PLSCR4: variants seen among roughly 807,000 people sequenced by gnomAD.
The protein encoded by PLSCR4 is Ca(2+)-dependent phospholipid scramblase 4.
Under a neutral mutation model 36.3 loss-of-function variants are expected in PLSCR4, and 25 were observed. That is an observed-to-expected ratio of 0.69 (90% CI 0.50 to 0.96). PLSCR4 has a LOEUF of 0.96. Ranked by LOEUF, PLSCR4 falls within the 40% of genes least tolerant of loss-of-function variation. The pLI is 0.00. For missense variants in PLSCR4, 408 were observed against 414.7 expected (o/e 0.98, Z 0.14); for synonymous variants, 122 against 132.9 (o/e 0.92, Z 0.56).
intron 6 of PLSCR4, among the ~76,000 whole-genome samples, chr3:146,198,152 T>C (rs761258884): frequency 6.6e-6 from 1 of 152,068 alleles, no homozygotes; most frequent in Non-Finnish European, 1.5e-5. Context: ...GAGAACAGAT[T>C]AGTGGTTCTG....
At chr3:146,217,982 G>A (rs2034968569) in intron 3 of PLSCR4, among the ~76,000 whole-genome samples, 1 of 152,126 alleles carries the variant, frequency 6.6e-6, no homozygotes, top group Non-Finnish European at 1.5e-5. Flanking sequence ...AGGAGATGGG[G>A]AAGGGCAGGG....
Position 146,199,984 on chromosome 3 carries a change from C to T in PLSCR4, c.453G>A (p.Gln151=). The T allele has an allele frequency of 6.2e-7, 1 of 1,612,488 alleles. No individual in the cohort carries two copies. The highest frequency in any genetic ancestry group is 8.5e-7 in the Non-Finnish European group (1 of 1,178,764). Residue 151 remains glutamine (Q), a synonymous_variant, in exon 6 of 9, where the codon CAG becomes CAA. Coordinates refer to ENST00000354952, the MANE Select transcript of PLSCR4 (RefSeq NM_020353.3). ...NRYDIKNNSD[Q]MVYIVTEDTD... ...TGTCTTCGGTTACAATGTAAACCAT[C>T]TGGTCTGAGTTGTTTTTAATATCAT... is the stretch of plus-strand genomic sequence containing the variant.
intron 3 of PLSCR4, among the ~76,000 whole-genome samples, chr3:146,218,691 C>T (rs1193164308): frequency 6.6e-6 from 1 of 152,006 alleles, no homozygotes; most frequent in African/African-American, 2.4e-5. Context: ...CAAAGCAAAA[C>T]AAAACAAAAT....
intron 1 of PLSCR4, among the ~76,000 whole-genome samples, chr3:146,236,858 G>C (rs772111320): frequency 1.3e-5 from 2 of 152,038 alleles, no homozygotes; most frequent in Non-Finnish European, 2.9e-5. Context: ...AAGAGAAAAG[G>C]GTTAAAGAAG....
Position 146,249,839 on chromosome 3 carries a change from T to C in PLSCR4, c.-22+1121A>G, listed in dbSNP as rs78893751. Among the ~76,000 whole-genome samples, 1,394 of 152,228 alleles carry C rather than the reference T, an allele frequency of 9.2e-3. 22 individuals are homozygous for C. The highest frequency in any genetic ancestry group is 0.031 in the African/African-American group (1,296 of 41,558). ...ATTTTATTGGATTCTCATACATACC[T>C]TTTTATATCTTCTTAAAAATAATTT... On this transcript the variant is annotated intron_variant, in intron 1 of 8. Coordinates refer to ENST00000354952, the MANE Select transcript of PLSCR4 (RefSeq NM_020353.3).
At chr3:146,238,476 G>T (rs1169928187) in intron 1 of PLSCR4, among the ~76,000 whole-genome samples, 2 of 151,560 alleles carry the variant, frequency 1.3e-5, no homozygotes, top group Non-Finnish European at 2.9e-5. Flanking sequence ...GTAATAAAAT[G>T]GTTTATCAAA....
chr3:146,197,227 T>C (rs2033794131), intron 6 of PLSCR4, among the ~76,000 whole-genome samples: 1 of 152,176 alleles, frequency 6.6e-6, no homozygotes, highest in South Asian at 2.1e-4. Flanking sequence ...CAAGGCTTAC[T>C]GTTGATACTA....
intron 1 of PLSCR4, among the ~76,000 whole-genome samples, chr3:146,226,210 C>T (rs2035469502): frequency 6.6e-6 from 1 of 152,108 alleles, no homozygotes; most frequent in Admixed American, 6.5e-5. Flanking sequence ...GTGATAAGAA[C>T]AAGGCTAATG....
At chr3:146,218,477 T>C (rs1453434653) in intron 3 of PLSCR4, among the ~76,000 whole-genome samples, 1 of 151,548 alleles carries the variant, frequency 6.6e-6, no homozygotes, top group Admixed American at 6.6e-5. Context: ...CGTATAGAGA[T>C]TATATTTTTT....
chr3:146,206,018 G>A (rs2034308865), intron 4 of PLSCR4, among the ~76,000 whole-genome samples: 1 of 151,992 alleles, frequency 6.6e-6, no homozygotes, highest in African/African-American at 2.4e-5. Context: ...TCTGGAACTT[G>A]GCCTGAAGCA....
intron 1 of PLSCR4, among the ~76,000 whole-genome samples, chr3:146,225,268 T>A (rs1448902038): frequency 6.6e-6 from 1 of 152,118 alleles, no homozygotes; most frequent in South Asian, 2.1e-4. Context: ...CTCACAAACC[T>A]TCAGCTAAAC....
intron 3 of PLSCR4, among the ~76,000 whole-genome samples, chr3:146,208,865 GA>G (rs2034479336): frequency 1.3e-5 from 2 of 152,046 alleles, no homozygotes; most frequent in Non-Finnish European, 2.9e-5. Flanking sequence ...ATTCCTTAAA[GA>G]ACTAAAAGTA....
intron 3 of PLSCR4, 55 bp downstream of exon 3, chr3:146,220,760 A>G: frequency 1.8e-6 from 2 of 1,092,142 alleles, no homozygotes; most frequent in South Asian, 1.4e-5. Context: ...AGCAATTTTA[A>G]TCATTAGTAT....
intron 3 of PLSCR4, among the ~76,000 whole-genome samples, chr3:146,218,713 T>C (rs558655508): frequency 1.3e-5 from 2 of 152,292 alleles, no homozygotes; most frequent in Admixed American, 1.3e-4. Context: ...TGTTTAACTT[T>C]GTGTAACTAT....
Position 146,206,617 on chromosome 3 carries a change from T to C in PLSCR4, c.263A>G (p.Tyr88Cys), listed in dbSNP as rs1205936666. 33 of 1,613,402 alleles carry C rather than the reference T, an allele frequency of 2.0e-5. No homozygotes were observed. Among genetic ancestry groups the C allele is most frequent in the Admixed American group, 3.3e-5 (2 of 59,862 alleles). ...TGGAACAGACTGATTTGGCATAGGA[T>C]ATTTGCCAGGCTGATACCGGACAGG... ...IHPVRYQPGKYPMPNQSVPIT... is the reference protein window; with the variant it reads ...IHPVRYQPGKCPMPNQSVPIT... The change falls in exon 4 of 9, where the codon TAT becomes TGT. Residue 88 changes from tyrosine (Y) to cysteine (C), a missense_variant. Transcript: ENST00000354952.
chr3:146,210,775 C>CACT (rs148385400), intron 3 of PLSCR4, among the ~76,000 whole-genome samples: 1 of 151,280 alleles, frequency 6.6e-6, no homozygotes, highest in Non-Finnish European at 1.5e-5. Flanking sequence ...CCCTGAAAAC[C>CACT]ACTACTATCT....
rs749074773 is a variant in PLSCR4, at chr3:146,206,737, G to A, written c.143C>T (p.Pro48Leu). The A allele has an allele frequency of 1.3e-6, 2 of 1,597,694 alleles. No homozygotes were observed. Among genetic ancestry groups the A allele is most frequent in the East Asian group, 2.3e-5 (1 of 44,416 alleles). The change falls in exon 4 of 9, where the codon CCA becomes CTA. Residue 48 changes from proline (P) to leucine (L), a missense_variant. Pro to Leu is a moderately conservative substitution (Grantham distance 98). Transcript: ENST00000354952. ...LPGPPGTAVPPPTGYPGGLPM... is the reference protein window; with the variant it reads ...LPGPPGTAVPLPTGYPGGLPM... ...CAAGCCTCCTGGGTAGCCAGTAGGT[G>A]GAGGGACAGCTGTTCCAGGGGGTCC...
intron 3 of PLSCR4, among the ~76,000 whole-genome samples, chr3:146,212,502 G>A (rs2034678808): frequency 1.4e-5 from 2 of 147,032 alleles, no homozygotes; most frequent in South Asian, 4.4e-4. Context: ...CCAGGCTGAA[G>A]TGCAGTAGTA....
intron 1 of PLSCR4, chr3:146,250,479 A>G (rs1488416699): frequency 6.6e-6 from 1 of 152,212 alleles, no homozygotes; most frequent in Non-Finnish European, 1.5e-5. Context: ...AGAATTGGAA[A>G]TAAGAGAGAG....
Sources: gnomAD v4.1 joint callset for allele counts (sites outside exome capture counted in the v4.1 genomes callset) on GRCh38, gnomAD v4.1.1 for gene constraint, MANE v1.5 for transcripts, NCBI Gene and HGNC (gene_info 2026-07-23, HGNC 2026-07-21) for gene names.